RPH3A: variants seen among roughly 807,000 people sequenced by gnomAD.
The protein encoded by RPH3A is rabphilin 3A.
A neutral mutation model predicts 102.2 loss-of-function variants in RPH3A; 48 were observed. The observed-to-expected ratio is 0.47, with a 90% CI of 0.37 to 0.60. The LOEUF is 0.60. RPH3A is among the 20% of genes least tolerant of loss of function. The pLI is 0.00. For missense variants in RPH3A, 781 were observed against 910.1 expected (o/e 0.86, Z 1.83); for synonymous variants, 310 against 324.3 (o/e 0.96, Z 0.47).
At chr12:112,667,666 GAGAGAGAGAGAGA>G (rs2040095746) in intron 1 of RPH3A, among the ~76,000 whole-genome samples, 3 of 7,656 alleles carry the variant, frequency 3.9e-4, no homozygotes, top group African/African-American at 2.7e-3. Flanking sequence ...TGAATAAAGA[GAGAGAGAGAGAGA>G]GAGAGAGAGA....
intron 1 of RPH3A, among the ~76,000 whole-genome samples, chr12:112,738,786 A>G (rs1318139582): frequency 2.0e-5 from 3 of 152,120 alleles, no homozygotes. Flanking sequence ...CATATCATAC[A>G]TTTCATAATC....
At position 112,894,295 on chromosome 12, in the gene RPH3A, G is replaced by C. The variant is rs2043145322; in HGVS notation, c.1776-283G>C. Reference sequence around the variant, plus strand: ...TCTGGATTCAATCCCAGCTGTGTGAGCTAGGGCACACTTCTGCCTCTCTGG... The same window carrying C: ...TCTGGATTCAATCCCAGCTGTGTGACCTAGGGCACACTTCTGCCTCTCTGG... On this transcript the variant is annotated intron_variant, in intron 19 of 21. Coordinates refer to ENST00000389385, the MANE Select transcript of RPH3A (RefSeq NM_001143854.2). 3 of 470,058 alleles carry C rather than the reference G, an allele frequency of 6.4e-6. No individual in the cohort carries two copies. In the South Asian group the frequency reaches 1.0e-4, roughly 16 times the overall value. The allele number at this position is 470,058 out of a possible 1,614,324, so 29.1% of individuals were successfully genotyped here.
At chr12:112,718,496 T>C (rs73196557) in intron 1 of RPH3A, among the ~76,000 whole-genome samples, 2,064 of 152,176 alleles carry the variant, frequency 0.014, 20 homozygotes, top group Non-Finnish European at 0.022. Context: ...CTGTCAAAAT[T>C]ACTTGTGATG....
intron 1 of RPH3A, among the ~76,000 whole-genome samples, chr12:112,681,753 A>G (rs1300963432): frequency 6.6e-6 from 1 of 152,252 alleles, no homozygotes; most frequent in African/African-American, 2.4e-5. Flanking sequence ...ATCCTCTGAC[A>G]TTCCACCAAT....
intron 3 of RPH3A, among the ~76,000 whole-genome samples, chr12:112,828,602 T>C (rs140208040): frequency 2.0e-5 from 3 of 152,322 alleles, no homozygotes; most frequent in African/African-American, 4.8e-5. Flanking sequence ...CTCCATAGAA[T>C]AGGTGACCTG....
intron 1 of RPH3A, among the ~76,000 whole-genome samples, chr12:112,659,902 C>A (rs1429430619): frequency 6.6e-6 from 1 of 152,138 alleles, no homozygotes; most frequent in African/African-American, 2.4e-5. Context: ...TCATCTTGCA[C>A]TTTTCTTGCT....
chr12:112,697,506 G>A (rs534552125), intron 1 of RPH3A, among the ~76,000 whole-genome samples: 4 of 152,090 alleles, frequency 2.6e-5, no homozygotes, highest in East Asian at 1.9e-4. Flanking sequence ...ACTATGGGTC[G>A]GAAGACTCAA....
intron 15 of RPH3A, among the ~76,000 whole-genome samples, chr12:112,882,189 G>C (rs965900782): frequency 3.9e-5 from 6 of 152,066 alleles, no homozygotes; most frequent in Admixed American, 2.0e-4. Context: ...CACATTTTAT[G>C]CCCCAACCAC....
At chr12:112,614,250 G>A (rs957860324) in intron 1 of RPH3A, among the ~76,000 whole-genome samples, 2 of 152,150 alleles carry the variant, frequency 1.3e-5, no homozygotes, top group African/African-American at 4.8e-5. Flanking sequence ...GCAGCAATGG[G>A]AAATAGAACA....
chr12:112,695,221 G>A (rs1390130652), intron 1 of RPH3A: 1 of 168,546 alleles, frequency 5.9e-6, no homozygotes, highest in African/African-American at 2.4e-5. Context: ...CATAGACAAG[G>A]ATCAGAGATG....
rs544481195 is a variant in RPH3A, at chr12:112,700,131, G to A, written c.-139-92012G>A. Among the ~76,000 whole-genome samples, 15 of 151,420 alleles carry A rather than the reference G, an allele frequency of 9.9e-5. No individual in the cohort carries two copies. In the South Asian group the frequency reaches 1.0e-3, roughly 11 times the overall value. On this transcript the variant is annotated intron_variant, in intron 1 of 21. Transcript: ENST00000543106. ...GTTGCCTAGGCTGGAGTGCAATGGC[G>A]CGATCTTGGCTCTCTGCAACCTCCG...
intron 1 of RPH3A, among the ~76,000 whole-genome samples, chr12:112,711,673 AC>A (rs1336742543): frequency 3.3e-5 from 5 of 152,150 alleles, no homozygotes; most frequent in Non-Finnish European, 5.9e-5. Context: ...CAGGTTGTTA[AC>A]CAATGACAAA....
intron 1 of RPH3A, among the ~76,000 whole-genome samples, chr12:112,589,520 T>C (rs1424116802): frequency 6.6e-6 from 1 of 152,116 alleles, no homozygotes; most frequent in African/African-American, 2.4e-5. Context: ...CCCTGGGAGA[T>C]TTGCCTGGCT....
chr12:112,820,038 A>G (rs191149005), intron 2 of RPH3A, among the ~76,000 whole-genome samples: 1 of 152,304 alleles, frequency 6.6e-6, no homozygotes, highest in African/African-American at 2.4e-5. Flanking sequence ...ACAGAAAGGG[A>G]AGACATGGGG....
intron 4 of RPH3A, among the ~76,000 whole-genome samples, chr12:112,841,676 A>G (rs2042146965): frequency 6.6e-6 from 1 of 151,276 alleles, no homozygotes; most frequent in Admixed American, 6.6e-5. Context: ...ATTGATCTGA[A>G]TCTAAAGCTT....
rs138418151 is a variant in RPH3A at position 112,635,394 on chromosome 12, T to G, written c.-140+60075T>G. ...CACTTACAGGGTGTGTATTCTTTAC[T>G]CTCTTTGCCTCAGTTTCTTTATTTG... On this transcript the variant is annotated intron_variant, in intron 1 of 21. Coordinates refer to the RPH3A transcript ENST00000543106. Among the ~76,000 whole-genome samples, 395 of 152,330 alleles carry G rather than the reference T, an allele frequency of 2.6e-3. 2 individuals carry two copies. Among genetic ancestry groups the G allele is most frequent in the African/African-American group, 9.0e-3 (374 of 41,580 alleles).
At chr12:112,696,231 G>A (rs369197214) in intron 1 of RPH3A, among the ~76,000 whole-genome samples, 4 of 152,108 alleles carry the variant, frequency 2.6e-5, no homozygotes, top group African/African-American at 7.2e-5. Flanking sequence ...TTATCCACTC[G>A]TTGGTTGATG....
intron 1 of RPH3A, among the ~76,000 whole-genome samples, chr12:112,786,362 CT>C: frequency 6.6e-6 from 1 of 152,312 alleles, no homozygotes; most frequent in South Asian, 2.1e-4. Context: ...CCCAGCAATC[CT>C]TTCTCTCTCT....
At chr12:112,783,421 C>T (rs2136079388) in intron 1 of RPH3A, among the ~76,000 whole-genome samples, 1 of 152,266 alleles carries the variant, frequency 6.6e-6, no homozygotes, top group South Asian at 2.1e-4. Flanking sequence ...CTCTGCCTCC[C>T]ACATCCCTTT....
Sources: allele counts gnomAD v4.1 joint callset (sites outside exome capture counted in the v4.1 genomes callset), GRCh38; gene constraint gnomAD v4.1.1; transcripts MANE v1.5; gene names NCBI Gene and HGNC (gene_info 2026-07-23, HGNC 2026-07-21).